TARS1: variants seen among roughly 807,000 people sequenced by gnomAD.
TARS1 encodes threonine--tRNA ligase 1, cytoplasmic.
A neutral mutation model predicts 97.7 loss-of-function variants in TARS1; 57 were observed. That is an observed-to-expected ratio of 0.58 (90% CI 0.47 to 0.73). The LOEUF is 0.73. Among genes scored for constraint, TARS1 ranks in the 30% least tolerant of loss-of-function variants. The probability of loss-of-function intolerance (pLI) is 0.00; values close to 1 mark genes in which losing one functional copy is unlikely to be tolerated. For synonymous variants in TARS1, 312 were observed against 293.7 expected (o/e 1.06, Z -0.64); for missense variants, 806 against 888.3 (o/e 0.91, Z 1.18).
chr5:33,449,613 G>A (rs113591967), intron 3 of TARS1, among the ~76,000 whole-genome samples: 2 of 151,200 alleles, frequency 1.3e-5, no homozygotes, highest in African/African-American at 2.4e-5. Flanking sequence ...CCGCCACCAC[G>A]CCCGGCTAAT....
chr5:33,466,124 A>G (rs868141754), intron 17 of TARS1: 3 of 152,218 alleles, frequency 2.0e-5, no homozygotes, highest in African/African-American at 7.2e-5. Context: ...TGAAAGCCCA[A>G]TGGTACTGTC....
chr5:33,458,534 C>A, intron 9 of TARS1, 32 bp from the exon 10 acceptor site: 7 of 1,579,040 alleles, frequency 4.4e-6, no homozygotes, highest in Non-Finnish European at 6.1e-6. Context: ...ACGTGACGTA[C>A]ATAAACATTC....
intron 4 of TARS1, among the ~76,000 whole-genome samples, chr5:33,454,338 G>T (rs141667269): frequency 1.1e-3 from 171 of 152,182 alleles, no homozygotes; most frequent in African/African-American, 3.7e-3. Flanking sequence ...ATGTCACTTT[G>T]GTACCTTAAT....
At chr5:33,462,881 C>T (rs1477032404) in intron 16 of TARS1, among the ~76,000 whole-genome samples, 3 of 152,206 alleles carry the variant, frequency 2.0e-5, no homozygotes, top group African/African-American at 7.2e-5. Context: ...TTTAATCTTA[C>T]ACATTACTGT....
chr5:33,467,030 A>G (rs772091359), intron 18 of TARS1, 45 bp downstream of exon 18: 1 of 1,189,244 alleles, frequency 8.4e-7, no homozygotes, highest in African/African-American at 1.6e-5. Flanking sequence ...CACCTCAGGA[A>G]AATCTACTGA....
At chr5:33,461,109 A>C in intron 12 of TARS1, 45 bp downstream of exon 12, 1 of 1,606,172 alleles carries the variant, frequency 6.2e-7, no homozygotes, top group Non-Finnish European at 8.5e-7. Context: ...AGAGTCAAGA[A>C]AGTCAAGGAA....
chr5:33,455,949 G>A (rs1380336718), intron 6 of TARS1, 53 bp from the exon 7 acceptor site: 1 of 1,503,196 alleles, frequency 6.7e-7, no homozygotes, highest in East Asian at 2.3e-5. Context: ...ATAGTACTTA[G>A]AAGTAAAAAT....
intron 10 of TARS1, among the ~76,000 whole-genome samples, 196 bp from the exon 11 acceptor site, chr5:33,459,499 A>G (rs1358731008): frequency 6.6e-6 from 1 of 152,236 alleles, no homozygotes. Flanking sequence ...CTGCAGTAGC[A>G]TCACTTTTAT....
intron 1 of TARS1, among the ~76,000 whole-genome samples, chr5:33,442,046 T>C (rs369587182): frequency 6.6e-6 from 1 of 152,226 alleles, no homozygotes; most frequent in Non-Finnish European, 1.5e-5. Context: ...AAAGTCACGC[T>C]GGCATTGGGA....
At chr5:33,455,154 A>G (rs746264993) in intron 5 of TARS1, 88 bp downstream of exon 5, 1 of 1,503,864 alleles carries the variant, frequency 6.6e-7, no homozygotes, top group Non-Finnish European at 9.0e-7. Flanking sequence ...GGGAGGAATG[A>G]TATAGATCTC....
chr5:33,443,779 G>A (rs1214534274), intron 1 of TARS1, among the ~76,000 whole-genome samples: 3 of 152,190 alleles, frequency 2.0e-5, no homozygotes, highest in Non-Finnish European at 4.4e-5. Context: ...ACAGGCATGA[G>A]CCACCGCGCC....
At position 33,462,080 on chromosome 5, in the gene TARS1, A is replaced by T. The variant is rs1286566101; in HGVS notation, c.1731-19A>T. ...AAAATATATATAATAAGACAAAACAATTTTTTTTTTCTTTATAGCCATGAT... is the reference window on the plus strand; with the variant it reads ...AAAATATATATAATAAGACAAAACATTTTTTTTTTTCTTTATAGCCATGAT... On this transcript the variant is annotated intron_variant, in intron 15 of 18. Transcript: ENST00000265112. The T allele has an allele frequency of 3.0e-5, 46 of 1,543,186 alleles. No homozygotes were observed. Among genetic ancestry groups the T allele is most frequent in the Non-Finnish European group, 3.8e-5 (43 of 1,128,562 alleles).
At chr5:33,454,402 C>T (rs1741911306) in intron 4 of TARS1, among the ~76,000 whole-genome samples, 1 of 152,200 alleles carries the variant, frequency 6.6e-6, no homozygotes. Context: ...CCAGTGATTA[C>T]TTTAAAACCA....
At position 33,440,969 on chromosome 5, in the gene TARS1, G is replaced by C; in HGVS notation, c.-118G>C. On this transcript the variant is annotated 5_prime_UTR_variant, in exon 1 of 19. Coordinates refer to ENST00000265112, the MANE Select transcript of TARS1 (RefSeq NM_152295.5). ...GGCGGGGTTAGGGCGCCTTTCGATTGCATCAGCTGGTCCAGCCGAGGCCAA... is the reference window on the plus strand; with the variant it reads ...GGCGGGGTTAGGGCGCCTTTCGATTCCATCAGCTGGTCCAGCCGAGGCCAA... 7.8e-7 allele frequency: 1 copy of C among 1,289,070 alleles called. No homozygotes were observed. Among genetic ancestry groups the C allele is most frequent in the Admixed American group, 2.0e-5 (1 of 49,986 alleles). 79.9% of individuals were successfully genotyped at this position (1,289,070 alleles called of 1,614,324 possible). A position where few individuals can be genotyped will look rare whatever the true frequency, so the allele number is the denominator to read the frequency against.
chr5:33,461,744 G>A lies in TARS1; in HGVS notation c.1629G>A (p.Lys543=). The stretch of plus-strand genomic sequence containing the variant: ...GAGATGGAGCTTTCTATGGCCCAAA[G>A]GTGAGCACTAAAGTACATTTGGGTA... ...NSGDGAFYGP[K]IDIQIKDAIG... The change falls in exon 14 of 19, where the codon AAG becomes AAA. Residue 543 remains lysine, a splice_region_variant and synonymous_variant. Coordinates refer to ENST00000265112, the MANE Select transcript of TARS1 (RefSeq NM_152295.5). 6.2e-7 allele frequency: 1 copy of A among 1,613,080 alleles called. No homozygotes were observed. Among genetic ancestry groups the A allele is most frequent in the East Asian group, 2.2e-5 (1 of 44,868 alleles).
At chr5:33,463,545 A>C (rs1269792191) in intron 16 of TARS1, among the ~76,000 whole-genome samples, 1 of 152,166 alleles carries the variant, frequency 6.6e-6, no homozygotes, top group African/African-American at 2.4e-5. Context: ...GGCTTTCCTT[A>C]CGTAGGGTTA....
At chr5:33,455,107 T>C (rs750546804) in intron 5 of TARS1, 41 bp downstream of exon 5, 1 of 1,608,714 alleles carries the variant, frequency 6.2e-7, no homozygotes, top group South Asian at 1.1e-5. Flanking sequence ...AGTCAATGAC[T>C]ATGGATCCAT....
At chr5:33,449,339 ACACGTG>A (rs756633386) in intron 3 of TARS1, among the ~76,000 whole-genome samples, 12,130 of 142,346 alleles carry the variant, frequency 0.085, 557 homozygotes, top group South Asian at 0.14. Context: ...GCGTATATAT[ACACGTG>A]TATATATATA....
At chr5:33,458,000 T>A (rs923774668) in intron 9 of TARS1, among the ~76,000 whole-genome samples, 1 of 152,174 alleles carries the variant, frequency 6.6e-6, no homozygotes, top group African/African-American at 2.4e-5. Flanking sequence ...ACATTCCAGC[T>A]ATGAGGCAGC....
Sources: gnomAD v4.1 joint callset for allele counts (sites outside exome capture counted in the v4.1 genomes callset) on GRCh38, gnomAD v4.1.1 for gene constraint, MANE v1.5 for transcripts, NCBI Gene and HGNC (gene_info 2026-07-23, HGNC 2026-07-21) for gene names.